Variants in EPHB1 observed in about 807,000 individuals in gnomAD.
EPHB1 encodes EPH receptor B1.
Under a neutral mutation model 94.4 loss-of-function variants are expected in EPHB1, and 30 were observed. The ratio of observed to expected loss-of-function variants is 0.32; its 90% CI spans 0.24 to 0.43. The LOEUF is 0.43. Among genes scored for constraint, EPHB1 ranks in the 20% least tolerant of loss-of-function variants. The pLI is 1.00. For missense variants in EPHB1, 1,055 were observed against 1,308.3 expected, an observed-to-expected ratio of 0.81 and a Z score of 2.99; for synonymous variants, 522 against 489.1, an observed-to-expected ratio of 1.07 and a Z score of -0.89.
chr3:135,012,378 T>C (rs1935650361), intron 3 of EPHB1, among the ~76,000 whole-genome samples: 1 of 152,204 alleles, frequency 6.6e-6, no homozygotes, highest in Admixed American at 6.5e-5. Flanking sequence ...TAGCACATGG[T>C]GGCAGTCAGT....
chr3:135,134,499 G>T (rs1313048237), intron 5 of EPHB1, among the ~76,000 whole-genome samples: 2 of 152,202 alleles, frequency 1.3e-5, no homozygotes, highest in Non-Finnish European at 2.9e-5. Flanking sequence ...GTGTGTGTGT[G>T]TGTTCATGTG....
At chr3:134,986,440 G>A (rs1482290914) in intron 3 of EPHB1, among the ~76,000 whole-genome samples, 3 of 152,132 alleles carry the variant, frequency 2.0e-5, no homozygotes, top group South Asian at 2.1e-4. Context: ...GTCTGTGTGC[G>A]TGGCATGGAC....
intron 3 of EPHB1, among the ~76,000 whole-genome samples, chr3:135,066,616 G>T (rs981837633): frequency 2.0e-5 from 3 of 151,858 alleles, no homozygotes; most frequent in African/African-American, 7.3e-5. Flanking sequence ...ATCATTTTTT[G>T]GATTTCCTTG....
chr3:135,111,566 G>T (rs1939444019), intron 4 of EPHB1, among the ~76,000 whole-genome samples: 1 of 152,144 alleles, frequency 6.6e-6, no homozygotes, highest in African/African-American at 2.4e-5. Flanking sequence ...GAGGGGTGGG[G>T]TCTGATGTGA....
At chr3:135,030,821 G>A (rs1262446604) in intron 3 of EPHB1, among the ~76,000 whole-genome samples, 3 of 152,116 alleles carry the variant, frequency 2.0e-5, no homozygotes, top group Non-Finnish European at 2.9e-5. Context: ...CCCTCCCCCA[G>A]CCTCGCTGCC....
chr3:135,197,324 A>T (rs1942650273), intron 11 of EPHB1, among the ~76,000 whole-genome samples: 1 of 152,158 alleles, frequency 6.6e-6, no homozygotes, highest in South Asian at 2.1e-4. Context: ...TTCTCATCAG[A>T]GAAGCTCATT....
intron 1 of EPHB1, among the ~76,000 whole-genome samples, chr3:134,862,412 T>C (rs952741670): frequency 3.3e-5 from 5 of 151,966 alleles, no homozygotes; most frequent in Admixed American, 2.0e-4. Context: ...ACCACAGTTC[T>C]TTCTCTGAGG....
intron 7 of EPHB1, among the ~76,000 whole-genome samples, chr3:135,165,010 G>A (rs759176409): frequency 2.6e-5 from 4 of 152,020 alleles, no homozygotes; most frequent in East Asian, 1.9e-4. Context: ...TCCTACATTC[G>A]TATTTGCTAT....
chr3:135,030,255 T>C (rs10935152), intron 3 of EPHB1, among the ~76,000 whole-genome samples: 38,686 of 152,080 alleles, frequency 0.25, 6,425 homozygotes, highest in East Asian at 0.71. Context: ...AGCTTTGTTC[T>C]GTTGCTGGTG....
At chr3:134,889,217 A>G (rs139838010) in intron 1 of EPHB1, among the ~76,000 whole-genome samples, 1 of 152,226 alleles carries the variant, frequency 6.6e-6, no homozygotes, top group East Asian at 1.9e-4. Context: ...GAAGGAAGAG[A>G]TGCAGGAGGC....
At chr3:135,167,126 C>A in intron 9 of EPHB1, 120 bp downstream of exon 9, 1 of 1,155,902 alleles carries the variant, frequency 8.7e-7, no homozygotes, top group South Asian at 1.4e-5. Context: ...TCTCTCTCAG[C>A]CCCCAGTGCC....
intron 5 of EPHB1, among the ~76,000 whole-genome samples, chr3:135,134,486 G>T (rs956681432): frequency 4.6e-5 from 7 of 151,256 alleles, no homozygotes; most frequent in Non-Finnish European, 8.9e-5. Context: ...GCTGTGTGTG[G>T]GTGTGTGTGT....
At chr3:135,185,378 C>T (rs369393222) in intron 10 of EPHB1, among the ~76,000 whole-genome samples, 24 of 152,306 alleles carry the variant, frequency 1.6e-4, no homozygotes, top group African/African-American at 5.5e-4. Context: ...ATAGAAGTTA[C>T]GGCAAGAAGC....
intron 1 of EPHB1, among the ~76,000 whole-genome samples, chr3:134,808,970 G>C (rs2036118823): frequency 6.6e-6 from 1 of 152,230 alleles, no homozygotes; most frequent in Admixed American, 6.5e-5. Context: ...CAGAGCATCT[G>C]AATTTAACCA....
At chr3:134,843,183 G>T (rs2036808239) in intron 1 of EPHB1, among the ~76,000 whole-genome samples, 1 of 152,140 alleles carries the variant, frequency 6.6e-6, no homozygotes, top group African/African-American at 2.4e-5. Flanking sequence ...TTGGTTGATA[G>T]TTTGTTTCTT....
chr3:135,196,748 A>G (rs537653603), intron 11 of EPHB1, among the ~76,000 whole-genome samples: 1 of 152,274 alleles, frequency 6.6e-6, no homozygotes, highest in Non-Finnish European at 1.5e-5. Flanking sequence ...CCCACTGGTC[A>G]TAGCGTCTTT....
intron 12 of EPHB1, among the ~76,000 whole-genome samples, chr3:135,238,193 C>T (rs1943699951): frequency 6.6e-6 from 1 of 152,128 alleles, no homozygotes; most frequent in Admixed American, 6.5e-5. Flanking sequence ...ACAAAGTGCC[C>T]ACTCTTGTGC....
chr3:135,132,747 T>A lies in EPHB1; in HGVS notation c.995T>A (p.Ile332Asn), dbSNP rs2107687160. 1 of 1,605,774 alleles carries A rather than the reference T, an allele frequency of 6.2e-7. No individual in the cohort carries two copies. Among genetic ancestry groups the A allele is most frequent in the Non-Finnish European group, 8.5e-7 (1 of 1,173,624 alleles). ...TCAGGTCCCCGCAATGTTATCTCCATCGTCAATGAGACGTCCATCATTCTG... is the reference window on the plus strand; with the variant it reads ...TCAGGTCCCCGCAATGTTATCTCCAACGTCAATGAGACGTCCATCATTCTG... ...VPSGPRNVIS[I>N]VNETSIILEW... Residue 332 changes from isoleucine to asparagine, a missense_variant, in exon 5 of 16, where the codon ATC becomes AAC. Coordinates refer to ENST00000398015, the MANE Select transcript of EPHB1 (RefSeq NM_004441.5).
intron 3 of EPHB1, among the ~76,000 whole-genome samples, chr3:134,952,383 A>G (rs1946221278): frequency 8.3e-6 from 1 of 121,210 alleles, no homozygotes; most frequent in African/African-American, 3.6e-5. Context: ...ACACACACAC[A>G]CACACACTCA....
Sources: gnomAD v4.1 joint callset for allele counts (sites outside exome capture counted in the v4.1 genomes callset) on GRCh38, gnomAD v4.1.1 for gene constraint, MANE v1.5 for transcripts, NCBI Gene and HGNC (gene_info 2026-07-23, HGNC 2026-07-21) for gene names.